ADAMTSL3: variants seen among roughly 807,000 people sequenced by gnomAD.
The protein encoded by ADAMTSL3 is ADAMTS-like protein 3.
ADAMTSL3 carries 128 observed loss-of-function variants against 201.7 expected under a neutral mutation model. That is an observed-to-expected ratio of 0.63 (90% CI 0.55 to 0.73). The LOEUF (loss-of-function observed/expected upper bound fraction) is 0.73. Among genes scored for constraint, ADAMTSL3 ranks in the 30% least tolerant of loss-of-function variants. The pLI, the probability that ADAMTSL3 is intolerant of heterozygous loss-of-function variation, is 0.00. For synonymous variants in ADAMTSL3, 738 were observed against 748.4 expected (o/e 0.99, Z 0.23); for missense variants, 1,990 against 2,119.6 (o/e 0.94, Z 1.20).
intron 2 of ADAMTSL3, among the ~76,000 whole-genome samples, chr15:83,674,100 A>G (rs991655513): frequency 8.9e-5 from 12 of 135,008 alleles, no homozygotes; most frequent in Middle Eastern, 4.1e-3. Flanking sequence ...GTGAAGTTCT[A>G]TTTATCAAAT....
intron 3 of ADAMTSL3, among the ~76,000 whole-genome samples, chr15:83,722,462 G>A (rs891150408): frequency 1.3e-5 from 2 of 152,160 alleles, no homozygotes; most frequent in Non-Finnish European, 2.9e-5. Context: ...AATGGAAAAA[G>A]ATAGGAAGGA....
At chr15:83,663,827 C>A (rs189593343) in intron 2 of ADAMTSL3, among the ~76,000 whole-genome samples, 1 of 152,220 alleles carries the variant, frequency 6.6e-6, no homozygotes, top group East Asian at 1.9e-4. Context: ...TTGGCTAGAT[C>A]CAGTGAGAAT....
At chr15:83,702,283 A>C (rs1168656076) in intron 2 of ADAMTSL3, among the ~76,000 whole-genome samples, 2 of 152,238 alleles carry the variant, frequency 1.3e-5, no homozygotes, top group Admixed American at 1.3e-4. Flanking sequence ...AAGTTCAGAA[A>C]ATTTGCAGCC....
At chr15:83,688,692 T>C (rs1309159631) in intron 2 of ADAMTSL3, among the ~76,000 whole-genome samples, 1 of 151,434 alleles carries the variant, frequency 6.6e-6, no homozygotes, top group Non-Finnish European at 1.5e-5. Flanking sequence ...TATTAAATAA[T>C]TCACCACTTT....
At chr15:83,697,004 G>A (rs17158688) in intron 2 of ADAMTSL3, among the ~76,000 whole-genome samples, 15,178 of 152,136 alleles carry the variant, frequency 0.1, 1,004 homozygotes, top group East Asian at 0.35. Flanking sequence ...AGACGTTAGC[G>A]GTGTGATATT....
chr15:83,660,958 A>C (rs540719258), intron 2 of ADAMTSL3, among the ~76,000 whole-genome samples: 1 of 147,328 alleles, frequency 6.8e-6, no homozygotes, highest in Non-Finnish European at 1.5e-5. Flanking sequence ...TGATTTTTGT[A>C]TAAGGTGTAA....
At chr15:83,890,627 A>G (rs2065483451) in intron 11 of ADAMTSL3, 2 of 172,048 alleles carry the variant, frequency 1.2e-5, no homozygotes, top group South Asian at 3.6e-4. Context: ...TTCATATTAA[A>G]TTCAGTATAA....
At chr15:83,768,849 C>G (rs1447138381) in intron 3 of ADAMTSL3, among the ~76,000 whole-genome samples, 2 of 152,150 alleles carry the variant, frequency 1.3e-5, no homozygotes, top group Admixed American at 1.3e-4. Context: ...GATATTATTG[C>G]TATTACTCTC....
chr15:83,851,371 T>C (rs1346397296), intron 7 of ADAMTSL3, among the ~76,000 whole-genome samples: 1 of 152,114 alleles, frequency 6.6e-6, no homozygotes, highest in Non-Finnish European at 1.5e-5. Flanking sequence ...TAAAATCAAC[T>C]GCAAGGGATT....
At chr15:84,029,081 T>A (rs984851375) in intron 27 of ADAMTSL3, among the ~76,000 whole-genome samples, 2 of 152,142 alleles carry the variant, frequency 1.3e-5, no homozygotes, top group Admixed American at 1.3e-4. Flanking sequence ...TATAGAAGTG[T>A]AAAAATGAAC....
chr15:83,905,924 T>C (rs1319130395), intron 15 of ADAMTSL3, among the ~76,000 whole-genome samples: 1 of 151,920 alleles, frequency 6.6e-6, no homozygotes, highest in Non-Finnish European at 1.5e-5. Flanking sequence ...TATTTTGTAG[T>C]TTTTTTTATG....
chr15:83,778,078 A>C (rs189810487), intron 4 of ADAMTSL3, among the ~76,000 whole-genome samples: 1 of 152,340 alleles, frequency 6.6e-6, no homozygotes, highest in East Asian at 1.9e-4. Flanking sequence ...GAGAAAAAAG[A>C]ATGAAAGGAA....
At chr15:83,678,838 A>G (rs890731145) in intron 2 of ADAMTSL3, among the ~76,000 whole-genome samples, 6 of 145,672 alleles carry the variant, frequency 4.1e-5, no homozygotes, top group African/African-American at 1.2e-4. Flanking sequence ...ATATATAAAT[A>G]TATATATAAA....
chr15:83,916,738 G>A (rs916947051), intron 16 of ADAMTSL3, among the ~76,000 whole-genome samples: 1 of 151,906 alleles, frequency 6.6e-6, no homozygotes, highest in African/African-American at 2.4e-5. Context: ...TTGAGGCCAG[G>A]AGTTGGAGAT....
At chr15:83,989,031 C>T (rs376170176) in intron 22 of ADAMTSL3, among the ~76,000 whole-genome samples, 17 of 151,848 alleles carry the variant, frequency 1.1e-4, no homozygotes, top group East Asian at 3.9e-4. Flanking sequence ...TACAGGCGCC[C>T]GCCACCACGC....
intron 19 of ADAMTSL3, among the ~76,000 whole-genome samples, chr15:83,949,056 TG>T (rs1451973368): frequency 6.6e-6 from 1 of 152,196 alleles, no homozygotes; most frequent in African/African-American, 2.4e-5. Context: ...GCAATTGAAT[TG>T]TTTTTGGATA....
chr15:83,707,297 A>G (rs1187826000), intron 3 of ADAMTSL3, among the ~76,000 whole-genome samples: 3 of 152,198 alleles, frequency 2.0e-5, no homozygotes, highest in African/African-American at 4.8e-5. Context: ...CCTGGTACAT[A>G]TAAGCATTTA....
intron 3 of ADAMTSL3, among the ~76,000 whole-genome samples, chr15:83,706,853 G>C (rs1423828488): frequency 6.7e-6 from 1 of 149,952 alleles, no homozygotes; most frequent in Non-Finnish European, 1.5e-5. Flanking sequence ...GTATTTTGTA[G>C]AAATGAGGTT....
chr15:83,710,447 A>T (rs555288745), intron 3 of ADAMTSL3, among the ~76,000 whole-genome samples: 14 of 152,228 alleles, frequency 9.2e-5, no homozygotes, highest in African/African-American at 2.4e-4. Context: ...TTAAAATCTA[A>T]CTTCTTCTAT....
Sources: gnomAD v4.1 joint callset for allele counts (sites outside exome capture counted in the v4.1 genomes callset) on GRCh38, gnomAD v4.1.1 for gene constraint, MANE v1.5 for transcripts, NCBI Gene and HGNC (gene_info 2026-07-23, HGNC 2026-07-21) for gene names.